Variants in ATRNL1 observed in about 807,000 individuals in gnomAD.
ATRNL1 encodes the protein attractin-like protein 1.
In ATRNL1, 95 loss-of-function variants were observed where a neutral mutation model predicts 182.7. The observed-to-expected ratio is 0.52, with a 90% CI of 0.44 to 0.62. The LOEUF is 0.62. Ranked by LOEUF, ATRNL1 falls within the 20% of genes least tolerant of loss-of-function variation. ATRNL1 has a pLI of 0.00. For missense variants in ATRNL1, 1,471 were observed against 1,679.5 expected, an observed-to-expected ratio of 0.88 and a Z score of 2.17; for synonymous variants, 576 against 568.3, an observed-to-expected ratio of 1.01 and a Z score of -0.19.
chr10:115,620,548 A>G (rs1008768991), intron 26 of ATRNL1, among the ~76,000 whole-genome samples: 1 of 152,228 alleles, frequency 6.6e-6, no homozygotes, highest in Non-Finnish European at 1.5e-5. Context: ...AATATATGCT[A>G]ACAATTCTAA....
Position 115,268,356 on chromosome 10 carries a change from C to A in ATRNL1, c.2012C>A (p.Ala671Glu), listed in dbSNP as rs1851696375. 1.9e-6 allele frequency: 3 copies of A among 1,613,182 alleles called. No homozygotes were observed. Among genetic ancestry groups the A allele is most frequent in the Non-Finnish European group, 2.5e-6 (3 of 1,179,330 alleles). Reference protein sequence around the residue: ...AASDDRCYRYADCASCTANTN... With the variant: ...AASDDRCYRYEDCASCTANTN... Reference sequence around the variant, plus strand: ...TCTGATGACAGATGTTACAGATATGCAGATTGTGCCAGCTGTACTGCCAAT... The same window carrying A: ...TCTGATGACAGATGTTACAGATATGAAGATTGTGCCAGCTGTACTGCCAAT... The change falls in exon 13 of 29, where the codon GCA becomes GAA. Residue 671 changes from alanine to glutamate, a missense_variant. By Grantham distance (107) the Ala-to-Glu change is moderately radical. Transcript: ENST00000355044.
At chr10:115,196,996 G>T (rs1388643910) in intron 8 of ATRNL1, among the ~76,000 whole-genome samples, 1 of 152,076 alleles carries the variant, frequency 6.6e-6, no homozygotes, top group Admixed American at 6.6e-5. Flanking sequence ...AGGGAAATAT[G>T]CAGTCTTAGC....
chr10:115,883,925 T>A (rs1951884874), intron 28 of ATRNL1, among the ~76,000 whole-genome samples: 1 of 152,224 alleles, frequency 6.6e-6, no homozygotes, highest in African/African-American at 2.4e-5. Context: ...ATATGAAGAA[T>A]GACATTTTGA....
Position 115,250,644 on chromosome 10 carries a change from T to C in ATRNL1, c.1687+8919T>C, listed in dbSNP as rs534208049. ...CAAAGAGGCCTACCAGATGGTTTGC[T>C]TTCTTCTTTGTAATGGGAGTTGCAA... On this transcript the variant is annotated intron_variant, in intron 10 of 28. Transcript: ENST00000355044. Among the ~76,000 whole-genome samples, 6 of 152,130 alleles carry C rather than the reference T, an allele frequency of 3.9e-5. 1 individual carries two copies. The East Asian group carries it at 1.2e-3, about 29-fold the overall frequency.
chr10:115,155,572 A>C (rs551667969), intron 5 of ATRNL1, among the ~76,000 whole-genome samples: 1 of 152,220 alleles, frequency 6.6e-6, no homozygotes. Flanking sequence ...ATTTGACTGC[A>C]TAGCTCATGC....
intron 24 of ATRNL1, among the ~76,000 whole-genome samples, chr10:115,492,882 A>T (rs1183187664): frequency 6.6e-6 from 1 of 151,750 alleles, no homozygotes. Flanking sequence ...TGACCTTGTG[A>T]TCCACCCGTC....
intron 5 of ATRNL1, among the ~76,000 whole-genome samples, chr10:115,151,888 G>A (rs1554880738): frequency 6.6e-6 from 1 of 152,118 alleles, no homozygotes; most frequent in Non-Finnish European, 1.5e-5. Flanking sequence ...ATTAATTTTT[G>A]TATAAGGTGT....
intron 28 of ATRNL1, among the ~76,000 whole-genome samples, chr10:115,929,528 T>C (rs1222795137): frequency 7.9e-5 from 12 of 152,122 alleles, no homozygotes; most frequent in Admixed American, 7.2e-4. Flanking sequence ...ATGCCAGGTA[T>C]GAAGGAACCC....
At chr10:115,162,155 A>G (rs1264573969) in intron 6 of ATRNL1, among the ~76,000 whole-genome samples, 6 of 152,044 alleles carry the variant, frequency 3.9e-5, no homozygotes, top group Non-Finnish European at 5.9e-5. Context: ...TGACAAAAAA[A>G]AAACACTATT....
chr10:115,597,561 ATGGGAGCTTTT>A (rs1856323742), intron 26 of ATRNL1: 1 of 381,538 alleles, frequency 2.6e-6, no homozygotes, highest in Non-Finnish European at 4.9e-6. Flanking sequence ...CAATTCATTT[ATGGGAGCTTTT>A]TTTTTTTTTT....
intron 28 of ATRNL1, among the ~76,000 whole-genome samples, chr10:115,872,311 A>C (rs551000767): frequency 1.4e-4 from 22 of 152,338 alleles, no homozygotes; most frequent in African/African-American, 4.8e-4. Flanking sequence ...CTGTTGTTAA[A>C]AGTTCAAAAG....
chr10:115,291,989 TG>T (rs1852938235), intron 15 of ATRNL1, among the ~76,000 whole-genome samples: 1 of 150,732 alleles, frequency 6.6e-6, no homozygotes, highest in East Asian at 1.9e-4. Context: ...CATCTGGTCC[TG>T]GACTTTTCTT....
chr10:115,522,459 C>G (rs1243493323), intron 25 of ATRNL1, among the ~76,000 whole-genome samples: 2 of 152,160 alleles, frequency 1.3e-5, no homozygotes, highest in Non-Finnish European at 2.9e-5. Flanking sequence ...CCAAGTCATT[C>G]ACAGGGAGTC....
intron 26 of ATRNL1, among the ~76,000 whole-genome samples, chr10:115,564,106 A>G (rs1221480621): frequency 6.6e-6 from 1 of 152,054 alleles, no homozygotes; most frequent in Non-Finnish European, 1.5e-5. Context: ...TTTTGATGCC[A>G]GCATAATTAT....
chr10:115,850,765 A>C (rs1951035646), intron 28 of ATRNL1, among the ~76,000 whole-genome samples: 1 of 152,228 alleles, frequency 6.6e-6, no homozygotes, highest in Non-Finnish European at 1.5e-5. Flanking sequence ...TAAAATGAGC[A>C]ACAGAGTTCA....
chr10:115,171,565 G>T (rs1847296208), intron 8 of ATRNL1, among the ~76,000 whole-genome samples: 1 of 151,956 alleles, frequency 6.6e-6, no homozygotes, highest in South Asian at 2.1e-4. Context: ...TGAAATTCCA[G>T]TAGGTGGTGC....
intron 26 of ATRNL1, among the ~76,000 whole-genome samples, chr10:115,583,088 C>A (rs1157829891): frequency 6.7e-6 from 1 of 150,358 alleles, no homozygotes; most frequent in African/African-American, 2.4e-5. Context: ...GGGCTCTGTT[C>A]TGTTCCATTG....
intron 20 of ATRNL1, among the ~76,000 whole-genome samples, chr10:115,399,385 C>G (rs1294554729): frequency 6.6e-6 from 1 of 152,014 alleles, no homozygotes; most frequent in African/African-American, 2.4e-5. Context: ...CTGTTTCATC[C>G]TGGTTCAGTC....
intron 26 of ATRNL1, among the ~76,000 whole-genome samples, chr10:115,664,204 C>A (rs1200539633): frequency 6.6e-6 from 1 of 152,176 alleles, no homozygotes; most frequent in African/African-American, 2.4e-5. Flanking sequence ...CTATACCAAT[C>A]TGTAGGAAGC....
Sources: allele counts gnomAD v4.1 joint callset (sites outside exome capture counted in the v4.1 genomes callset), GRCh38; gene constraint gnomAD v4.1.1; transcripts MANE v1.5; gene names NCBI Gene and HGNC (gene_info 2026-07-23, HGNC 2026-07-21).